The following BMS1 variants were observed in gnomAD, a reference collection of about 807,000 sequenced individuals.
BMS1 encodes BMS1 ribosome biogenesis factor.
BMS1 carries 53 observed loss-of-function variants against 138.7 expected under a neutral mutation model. That is an observed-to-expected ratio of 0.38 (90% CI 0.31 to 0.48). The LOEUF is 0.48. Among genes scored for constraint, BMS1 ranks in the 20% least tolerant of loss-of-function variants. The pLI is 0.97. For synonymous variants in BMS1, 504 were observed against 539.9 expected, an observed-to-expected ratio of 0.93 and a Z score of 0.92; for missense variants, 1,360 against 1,565.5, an observed-to-expected ratio of 0.87 and a Z score of 2.22.
intron 13 of BMS1, among the ~76,000 whole-genome samples, chr10:42,808,929 G>A (rs1359528295): frequency 6.6e-6 from 1 of 152,054 alleles, no homozygotes; most frequent in East Asian, 1.9e-4. Flanking sequence ...TGTTAATGTT[G>A]AGTAGAGTGA....
rs1365962029 is a variant in BMS1, at chr10:42,834,580, T to C, written c.*3484T>C. ...AAAGTATTGTACATTTTTATAATCC[T>C]TTAACAAGACAAAAGGTTGAGATGT... On this transcript the variant is annotated 3_prime_UTR_variant, in exon 23 of 23. Coordinates refer to ENST00000374518, the MANE Select transcript of BMS1 (RefSeq NM_014753.4). 1 of 152,186 alleles carries C rather than the reference T, an allele frequency of 6.6e-6. No homozygotes were observed. The highest frequency in any genetic ancestry group is 1.5e-5 in the Non-Finnish European group (1 of 68,042). 9.4% of individuals were successfully genotyped at this position (152,186 alleles called of 1,614,324 possible).
At chr10:42,810,689 G>A (rs946889963) in intron 13 of BMS1, among the ~76,000 whole-genome samples, 5 of 152,220 alleles carry the variant, frequency 3.3e-5, no homozygotes, top group South Asian at 4.1e-4. Flanking sequence ...GTTATAGGAC[G>A]ATTCAGATTA....
rs113797086 is a variant in BMS1, at chr10:42,828,644, C to A, written c.3457-1617C>A. The stretch of plus-strand genomic sequence containing the variant: ...TTTTTTTTATTTTAGGTTTTCAATG[C>A]CTGCCTGGACTTGTGTTTTCATTTA... On this transcript the variant is annotated intron_variant, in intron 21 of 22. Coordinates refer to ENST00000374518, the MANE Select transcript of BMS1 (RefSeq NM_014753.4). 1.7e-3 allele frequency among the ~76,000 whole-genome samples: 255 copies of A among 152,114 alleles called. 1 individual carries two copies. Among genetic ancestry groups the A allele is most frequent in the African/African-American group, 5.8e-3 (239 of 41,482 alleles).
intron 13 of BMS1, among the ~76,000 whole-genome samples, chr10:42,807,848 A>G (rs1013290873): frequency 5.6e-5 from 8 of 143,746 alleles, no homozygotes; most frequent in East Asian, 1.9e-4. Flanking sequence ...GTCATATGGT[A>G]ATTGCACAGT....
intron 3 of BMS1, among the ~76,000 whole-genome samples, chr10:42,786,716 G>A (rs1329501021): frequency 6.6e-6 from 1 of 151,818 alleles, no homozygotes; most frequent in African/African-American, 2.4e-5. Flanking sequence ...GAGAGCTACT[G>A]TGCCCAGCCC....
Position 42,832,456 on chromosome 10 carries a change from G to A in BMS1, c.*1360G>A, listed in dbSNP as rs1442854818. On this transcript the variant is annotated 3_prime_UTR_variant, in exon 23 of 23. Transcript: ENST00000374518. ...AAAAAATTATACATATATGTATGTAGAACACTTCATGAATTTGTGTGTCAT... is the reference window on the plus strand; with the variant it reads ...AAAAAATTATACATATATGTATGTAAAACACTTCATGAATTTGTGTGTCAT... The A allele has an allele frequency of 3.3e-5, 5 of 152,012 alleles. No homozygotes were observed. Among genetic ancestry groups the A allele is most frequent in the Non-Finnish European group, 7.3e-5 (5 of 68,042 alleles). 9.4% of individuals were successfully genotyped at this position (152,012 alleles called of 1,614,324 possible). A position where few individuals can be genotyped will look rare whatever the true frequency, so the allele number is the denominator to read the frequency against.
intron 4 of BMS1, among the ~76,000 whole-genome samples, chr10:42,789,242 A>G (rs943225439): frequency 1.3e-5 from 2 of 152,210 alleles, no homozygotes; most frequent in African/African-American, 4.8e-5. Flanking sequence ...TAGTGTGAGG[A>G]TATTCCGCCT....
chr10:42,795,283 A>C (rs923004255), intron 9 of BMS1, among the ~76,000 whole-genome samples: 12 of 151,838 alleles, frequency 7.9e-5, no homozygotes. Context: ...TCCTTCTTCT[A>C]TACAGTCTTT....
At position 42,822,183 on chromosome 10, in the gene BMS1, A is replaced by T. The variant is rs1307431369; in HGVS notation, c.3131A>T (p.Lys1044Met). 1 of 1,326,350 alleles carries T rather than the reference A, an allele frequency of 7.5e-7. No homozygotes were observed. The highest frequency in any genetic ancestry group is 1.4e-5 in the African/African-American group (1 of 69,014). 82.2% of individuals were successfully genotyped at this position (1,326,350 alleles called of 1,614,324 possible). A position where few individuals can be genotyped will look rare whatever the true frequency, so the allele number is the denominator to read the frequency against. The change falls in exon 19 of 23, where the codon AAG (lysine) becomes ATG (methionine). Residue 1044 changes from lysine to methionine, a missense_variant and splice_region_variant. Lys to Met is a moderately conservative substitution (Grantham distance 95, BLOSUM62 -1). Around this residue, in one of 3 missense-constraint regions of BMS1, gnomAD observed 425 missense variants for 568.3 expected, o/e 0.75. Transcript: ENST00000374518. The part of the protein sequence containing the change: ...YKIFKNTSFI[K>M]GMFNSALEVA... ...ATTTTCAAGAACACTTCATTTATTA[A>T]GGTCTGTATATCTATATATTCTCAT...
rs868312872 is a variant in BMS1 at position 42,807,098 on chromosome 10, T to C, written c.2329+4880T>C. The stretch of plus-strand genomic sequence containing the variant: ...TACTTCTGTGCTCTTTTATCACATG[T>C]GTAGGTTTGTGTGTCTACCAACAGT... On this transcript the variant is annotated intron_variant, in intron 13 of 22. Transcript: ENST00000374518. 4.4e-4 allele frequency among the ~76,000 whole-genome samples: 67 copies of C among 152,282 alleles called. No individual in the cohort carries two copies. In the Middle Eastern group the frequency reaches 0.014, roughly 31 times the overall value.
chr10:42,823,090 G>C, intron 19 of BMS1, 28 bp from the exon 20 acceptor site: 5 of 1,490,728 alleles, frequency 3.4e-6, no homozygotes, highest in Non-Finnish European at 4.5e-6. Context: ...TTTTGTGTGT[G>C]TGTGTTTTTA....
chr10:42,793,630 T>C, intron 8 of BMS1, among the ~76,000 whole-genome samples: 1 of 152,184 alleles, frequency 6.6e-6, no homozygotes, highest in African/African-American at 2.4e-5. Context: ...GCTAGGTTGT[T>C]TAGGTTATCA....
chr10:42,808,361 C>T (rs144173942), intron 13 of BMS1, among the ~76,000 whole-genome samples: 39 of 151,322 alleles, frequency 2.6e-4, no homozygotes, highest in African/African-American at 8.7e-4. Flanking sequence ...TGCAGTGGCG[C>T]GATCTCCACT....
chr10:42,796,406 T>C, intron 9 of BMS1, 68 bp from the exon 10 acceptor site: 2 of 1,461,130 alleles, frequency 1.4e-6, no homozygotes, highest in Non-Finnish European at 1.9e-6. Flanking sequence ...TCATTGACTA[T>C]ATTGCCATTT....
Position 42,829,229 on chromosome 10 carries a change from G to A in BMS1, c.3457-1032G>A, listed in dbSNP as rs998884045. On this transcript the variant is annotated intron_variant, in intron 21 of 22. Transcript: ENST00000374518. ...CGGGAGGCTGAGGCAAGAGAATGGC[G>A]TGAACCCAGGGGCAGAGGTTGCAGT... Among the ~76,000 whole-genome samples, 9 of 151,782 alleles carry A rather than the reference G, an allele frequency of 5.9e-5. No homozygotes were observed. In the East Asian group the frequency reaches 7.8e-4, roughly 13 times the overall value.
At chr10:42,811,599 A>G (rs1254727910) in intron 13 of BMS1, among the ~76,000 whole-genome samples, 35 of 120,370 alleles carry the variant, frequency 2.9e-4, no homozygotes, top group Non-Finnish European at 1.5e-4. Flanking sequence ...ATCTCGGCTC[A>G]CTGCAAGCTC....
chr10:42,830,759 A>G, intron 22 of BMS1, 107 bp from the exon 23 acceptor site: 2 of 971,088 alleles, frequency 2.1e-6, no homozygotes, highest in South Asian at 1.7e-5. Flanking sequence ...ATTTTCATGC[A>G]GTTAATATTC....
rs549386315 is a variant in BMS1 at position 42,791,643 on chromosome 10, A to G, written c.653A>G (p.Tyr218Cys). 3.9e-5 allele frequency: 63 copies of G among 1,609,816 alleles called. No homozygotes were observed. Among genetic ancestry groups the G allele is most frequent in the South Asian group, 5.6e-5 (5 of 89,688 alleles). ...AATGTTTAGGGTGCCAAGCTGTTCT[A>G]CCTTTCTGGAATGGTGCATGGAGAA... is the stretch of plus-strand genomic sequence containing the variant. ...TEVYPGAKLF[Y>C]LSGMVHGEYQ... The change falls in exon 6 of 23, where the codon TAC becomes TGC. Residue 218 changes from tyrosine (Y) to cysteine (C), a missense_variant. By Grantham distance (194) the Tyr-to-Cys change is radical. Transcript: ENST00000374518.
chr10:42,829,184 C>T (rs1428997519), intron 21 of BMS1, among the ~76,000 whole-genome samples: 3 of 151,652 alleles, frequency 2.0e-5, no homozygotes, highest in Admixed American at 6.6e-5. Context: ...TGGTGGCGGG[C>T]GCCTGTAGTC....
Sources: allele counts gnomAD v4.1 joint callset (sites outside exome capture counted in the v4.1 genomes callset), GRCh38; gene constraint gnomAD v4.1.1; regional missense constraint gnomAD v4.1.1; transcripts MANE v1.5; gene names NCBI Gene and HGNC (gene_info 2026-07-23, HGNC 2026-07-21).